Variants in PI4KA observed in about 807,000 individuals in gnomAD.
PI4KA encodes phosphatidylinositol 4-kinase alpha.
Under a neutral mutation model 271.4 loss-of-function variants are expected in PI4KA, and 122 were observed. That is an observed-to-expected ratio of 0.45 (90% confidence interval 0.39 to 0.52). The LOEUF (loss-of-function observed/expected upper bound fraction) is 0.52, where lower values mean the gene tolerates loss of function less well. PI4KA is among the 20% of genes least tolerant of loss of function. The pLI is 0.00. For synonymous variants in PI4KA, 1,041 were observed against 1,078.8 expected, an observed-to-expected ratio of 0.96 and a Z score of 0.69; for missense variants, 1,969 against 2,769.1, an observed-to-expected ratio of 0.71 and a Z score of 6.48.
chr22:20,784,669 C>T (rs565355086), intron 19 of PI4KA, among the ~76,000 whole-genome samples: 1 of 152,298 alleles, frequency 6.6e-6, no homozygotes, highest in East Asian at 1.9e-4. Context: ...TCAACTCTTC[C>T]CTGCCCAGGA....
intron 22 of PI4KA, 66 bp downstream of exon 22, chr22:20,764,751 G>A (rs1335846219): frequency 1.6e-5 from 24 of 1,498,656 alleles, no homozygotes; most frequent in Non-Finnish European, 1.9e-5. Context: ...TGCTTACGAG[G>A]GCACAAAAAT....
chr22:20,787,132 A>G, intron 19 of PI4KA: 1 of 1,391,248 alleles, frequency 7.2e-7, no homozygotes, highest in South Asian at 1.2e-5. Flanking sequence ...TCCAACAACG[A>G]GAACAGAGAT....
At chr22:20,781,373 C>G (rs964661207) in intron 19 of PI4KA, among the ~76,000 whole-genome samples, 3 of 152,210 alleles carry the variant, frequency 2.0e-5, no homozygotes, top group African/African-American at 7.2e-5. Context: ...TCTTTGCCAC[C>G]AAGGACTACC....
chr22:20,787,060 G>A, intron 19 of PI4KA: 1 of 1,614,112 alleles, frequency 6.2e-7, no homozygotes, highest in Non-Finnish European at 8.5e-7. Context: ...ACCCCAGCAG[G>A]TCCTAGAGGT....
Position 20,803,277 on chromosome 22 carries a change from G to A in PI4KA, c.1505C>T (p.Ser502Phe). The change falls in exon 13 of 55, where the codon TCT becomes TTT. Residue 502 changes from serine to phenylalanine, a missense_variant. Physicochemically the swap from Ser to Phe is radical, Grantham distance 155 (BLOSUM62 -2). Around this residue, in one of 13 missense-constraint regions of PI4KA, gnomAD observed 228 missense variants for 261.6 expected, o/e 0.87. Transcript: ENST00000255882. ...GAAGTCTCGCAAGGACGGTGTCACA[G>A]AGTGCACCACCACCGGGAACCTCTC... ...LCERFPVVVHSVTPSLRDFLV... is the reference protein window; with the variant it reads ...LCERFPVVVHFVTPSLRDFLV... 3 of 1,614,028 alleles carry A rather than the reference G, an allele frequency of 1.9e-6. No individual in the cohort carries two copies. Among genetic ancestry groups the A allele is most frequent in the Non-Finnish European group, 1.7e-6 (2 of 1,179,858 alleles).
intron 1 of PI4KA, among the ~76,000 whole-genome samples, chr22:20,842,165 T>C (rs1488948086): frequency 4.0e-5 from 6 of 151,662 alleles, no homozygotes; most frequent in Admixed American, 3.9e-4. Context: ...GAGGCAGAGG[T>C]TGCAGTGAGC....
At chr22:20,793,962 T>C (rs1311122258) in intron 18 of PI4KA, among the ~76,000 whole-genome samples, 1 of 152,278 alleles carries the variant, frequency 6.6e-6, no homozygotes, top group Non-Finnish European at 1.5e-5. Flanking sequence ...GGCCAGGCAC[T>C]GTGCTCAGTG....
At chr22:20,846,174 G>A (rs1246061526) in intron 1 of PI4KA, among the ~76,000 whole-genome samples, 1 of 146,952 alleles carries the variant, frequency 6.8e-6, no homozygotes, top group African/African-American at 2.5e-5. Context: ...TGAGGCAGGA[G>A]AATGGCATGA....
At chr22:20,726,423 G>A (rs1927354050) in intron 42 of PI4KA, 65 bp downstream of exon 42, 5 of 1,382,924 alleles carry the variant, frequency 3.6e-6, no homozygotes, top group African/African-American at 1.7e-5. Flanking sequence ...GGGACAGACC[G>A]GGCACAAGCT....
intron 16 of PI4KA, 28 bp from the exon 17 acceptor site, chr22:20,798,715 C>T: frequency 6.8e-7 from 1 of 1,465,420 alleles, no homozygotes; most frequent in Non-Finnish European, 9.6e-7. Context: ...GCACTGTCAC[C>T]ATGCAGGATG....
chr22:20,854,270 G>A (rs1601627795), intron 1 of PI4KA, among the ~76,000 whole-genome samples: 1 of 151,872 alleles, frequency 6.6e-6, no homozygotes, highest in Non-Finnish European at 1.5e-5. Flanking sequence ...ACAGGCGTCC[G>A]CCACCACGCC....
At chr22:20,806,076 T>C (rs1935636805) in intron 10 of PI4KA, among the ~76,000 whole-genome samples, 1 of 152,128 alleles carries the variant, frequency 6.6e-6, no homozygotes, top group South Asian at 2.1e-4. Flanking sequence ...TAATCCCTGA[T>C]GCCCCTTCTT....
At chr22:20,718,957 T>C in intron 43 of PI4KA, 135 bp from the exon 44 acceptor site, 1 of 886,268 alleles carries the variant, frequency 1.1e-6, no homozygotes, top group Non-Finnish European at 1.7e-6. Flanking sequence ...CCATAACAGC[T>C]GCCGTGTGCC....
chr22:20,844,202 C>A (rs1925956548), intron 1 of PI4KA, among the ~76,000 whole-genome samples: 1 of 152,158 alleles, frequency 6.6e-6, no homozygotes, highest in East Asian at 1.9e-4. Context: ...AGGCCTGTGA[C>A]CTCCTCATCA....
intron 18 of PI4KA, among the ~76,000 whole-genome samples, chr22:20,795,105 G>A (rs973890641): frequency 8.5e-5 from 13 of 152,282 alleles, no homozygotes; most frequent in Non-Finnish European, 7.4e-5. Context: ...TAGAGATATG[G>A]TTGTGGGATA....
In PI4KA at chr22:20,742,248, T is replaced by C; in HGVS notation, c.3721A>G (p.Lys1241Glu). 1 of 1,614,076 alleles carries C rather than the reference T, an allele frequency of 6.2e-7. No individual in the cohort carries two copies. Among genetic ancestry groups the C allele is most frequent in the Non-Finnish European group, 8.5e-7 (1 of 1,179,984 alleles). ...LACWEWLLAG[K>E]DGVEVPFMRE... ...CCTACCGGCACTTCCACTCCATCCT[T>C]GCCAGCCAGCAGCCACTCCCAGCAG... The change falls in exon 32 of 55, where the codon AAG (lysine) becomes GAG (glutamate). Residue 1241 changes from lysine (K) to glutamate (E), a missense_variant. Physicochemically the swap from Lys to Glu is moderately conservative, Grantham distance 56 (BLOSUM62 1). Around this residue, in one of 13 missense-constraint regions of PI4KA, gnomAD observed 203 missense variants for 256.8 expected, o/e 0.79. Coordinates refer to ENST00000255882, the MANE Select transcript of PI4KA (RefSeq NM_058004.4).
At chr22:20,816,165 C>T (rs1192535855) in intron 7 of PI4KA, among the ~76,000 whole-genome samples, 1 of 152,136 alleles carries the variant, frequency 6.6e-6, no homozygotes, top group Non-Finnish European at 1.5e-5. Flanking sequence ...GTCTCGAACT[C>T]CTAGTCTCAA....
chr22:20,718,016 G>C (rs895337093), intron 44 of PI4KA, among the ~76,000 whole-genome samples: 8 of 152,162 alleles, frequency 5.3e-5, no homozygotes, highest in African/African-American at 1.9e-4. Context: ...GTGTGCGGGG[G>C]TGTGTGGCTG....
At chr22:20,759,274 C>T (rs558428080) in intron 23 of PI4KA, among the ~76,000 whole-genome samples, 1 of 152,282 alleles carries the variant, frequency 6.6e-6, no homozygotes, top group South Asian at 2.1e-4. Flanking sequence ...AAACTCCTGG[C>T]CTCAAGTAAT....
Sources: gnomAD v4.1 joint callset for allele counts (sites outside exome capture counted in the v4.1 genomes callset) on GRCh38, gnomAD v4.1.1 for gene constraint, gnomAD v4.1.1 regional missense constraint, MANE v1.5 for transcripts, NCBI Gene and HGNC (gene_info 2026-07-23, HGNC 2026-07-21) for gene names.